DENND1B: variants seen among roughly 807,000 people sequenced by gnomAD.
DENND1B encodes DENN domain-containing protein 1B.
DENND1B carries 59 observed loss-of-function variants against 90.1 expected under a neutral mutation model. The observed-to-expected ratio is 0.65, with a 90% CI of 0.53 to 0.81. The LOEUF (loss-of-function observed/expected upper bound fraction) is 0.81, where lower values mean the gene tolerates loss of function less well. DENND1B is among the 40% of genes least tolerant of loss of function. The pLI is 0.00. For synonymous variants in DENND1B, 337 were observed against 324.6 expected, an observed-to-expected ratio of 1.04 and a Z score of -0.41; for missense variants, 862 against 912.6, an observed-to-expected ratio of 0.94 and a Z score of 0.71.
chr1:197,513,872 C>T (rs537369687), intron 20 of DENND1B, among the ~76,000 whole-genome samples: 17 of 151,678 alleles, frequency 1.1e-4, no homozygotes, highest in Admixed American at 6.6e-4. Flanking sequence ...CTATCCTGTC[C>T]TCACTTCCTA....
chr1:197,637,566 T>C (rs1679905703), intron 10 of DENND1B, among the ~76,000 whole-genome samples: 1 of 152,106 alleles, frequency 6.6e-6, no homozygotes, highest in Non-Finnish European at 1.5e-5. Context: ...ACACATCCCT[T>C]CCAATAAACT....
chr1:197,587,670 C>A (rs181827305), intron 14 of DENND1B, among the ~76,000 whole-genome samples: 3 of 152,170 alleles, frequency 2.0e-5, no homozygotes, highest in Admixed American at 6.5e-5. Context: ...TGGCACCAGA[C>A]GCGGGTTTTG....
At chr1:197,629,436 C>A (rs1421355462) in intron 10 of DENND1B, among the ~76,000 whole-genome samples, 2 of 148,966 alleles carry the variant, frequency 1.3e-5, no homozygotes, top group Non-Finnish European at 3.0e-5. Flanking sequence ...GACAGAAAAC[C>A]AAACACCGCA....
intron 13 of DENND1B, among the ~76,000 whole-genome samples, chr1:197,601,472 C>G (rs796578440): frequency 5.3e-5 from 8 of 150,912 alleles, no homozygotes; most frequent in Admixed American, 2.6e-4. Flanking sequence ...TTTAAAGGAC[C>G]AGAAATAAAT....
chr1:197,775,090 G>T, intron 1 of DENND1B, 49 bp downstream of exon 1: 1 of 1,206,752 alleles, frequency 8.3e-7, no homozygotes, highest in Non-Finnish European at 1.1e-6. Flanking sequence ...GCCTGGGAGG[G>T]GCCGCCGAGG....
At chr1:197,524,350 C>A (rs1018891151) in intron 20 of DENND1B, among the ~76,000 whole-genome samples, 1 of 152,074 alleles carries the variant, frequency 6.6e-6, no homozygotes, top group Non-Finnish European at 1.5e-5. Flanking sequence ...CTAATCTTCA[C>A]AATAACTCTA....
intron 15 of DENND1B, among the ~76,000 whole-genome samples, chr1:197,580,691 G>A (rs2125767401): frequency 6.6e-6 from 1 of 152,160 alleles, no homozygotes; most frequent in Non-Finnish European, 1.5e-5. Flanking sequence ...CCTCTACCCA[G>A]CACTAATGCT....
At chr1:197,700,563 C>T (rs990493908) in intron 3 of DENND1B, among the ~76,000 whole-genome samples, 4 of 152,016 alleles carry the variant, frequency 2.6e-5, no homozygotes, top group African/African-American at 9.7e-5. Context: ...GCAAAGACTT[C>T]ATGACAAAAA....
chr1:197,617,387 CTG>C lies in DENND1B; in HGVS notation c.773+270_773+271del, dbSNP rs529297734. ...ACAGTTTTCCTAACACAACTTAAGA[CTG>C]TTATTTTTTTCTATTTTGCATTGAG... On this transcript the variant is annotated intron_variant, in intron 11 of 22. Transcript: ENST00000620048. 1.9e-4 allele frequency among the ~76,000 whole-genome samples: 28 copies of C among 151,192 alleles called. No homozygotes were observed. The East Asian group carries it at 5.3e-3, about 28-fold the overall frequency.
At chr1:197,531,276 T>C (rs113658147) in intron 20 of DENND1B, among the ~76,000 whole-genome samples, 22 of 152,300 alleles carry the variant, frequency 1.4e-4, no homozygotes, top group African/African-American at 5.1e-4. Flanking sequence ...GTATAAAAAT[T>C]GAAGTTTGAA....
At chr1:197,770,799 AATATATATATAAAT>A (rs1656455923) in intron 2 of DENND1B, among the ~76,000 whole-genome samples, 11 of 137,340 alleles carry the variant, frequency 8.0e-5, no homozygotes, top group African/African-American at 2.8e-4. Context: ...TATATCTATA[AATATATATATAAAT>A]ATATATGTAA....
At chr1:197,600,114 C>G (rs1201342124) in intron 13 of DENND1B, among the ~76,000 whole-genome samples, 2 of 151,914 alleles carry the variant, frequency 1.3e-5, no homozygotes, top group East Asian at 3.9e-4. Context: ...GCCAATTCTG[C>G]AGAAAGATGT....
At chr1:197,598,558 A>G (rs997918662) in intron 13 of DENND1B, among the ~76,000 whole-genome samples, 4 of 151,810 alleles carry the variant, frequency 2.6e-5, no homozygotes, top group African/African-American at 7.2e-5. Context: ...TCTAGGAAAG[A>G]GCATTTTCTG....
intron 15 of DENND1B, among the ~76,000 whole-genome samples, chr1:197,556,802 A>T (rs1671755500): frequency 6.6e-6 from 1 of 151,990 alleles, no homozygotes; most frequent in Admixed American, 6.6e-5. Context: ...CACCCAATAA[A>T]TGCTAAATAA....
At chr1:197,544,899 AAGAAAG>A (rs1670633938) in intron 18 of DENND1B, among the ~76,000 whole-genome samples, 2 of 141,222 alleles carry the variant, frequency 1.4e-5, no homozygotes, top group South Asian at 4.6e-4. Flanking sequence ...GAAGAAGAAG[AAGAAAG>A]AAGAAGAAAA....
intron 3 of DENND1B, among the ~76,000 whole-genome samples, chr1:197,704,991 T>C (rs963891932): frequency 6.6e-6 from 1 of 152,190 alleles, no homozygotes; most frequent in African/African-American, 2.4e-5. Flanking sequence ...TACTATCTCC[T>C]ATTAGCCCTG....
At chr1:197,657,034 C>T (rs1192238156) in intron 6 of DENND1B, among the ~76,000 whole-genome samples, 1 of 151,926 alleles carries the variant, frequency 6.6e-6, no homozygotes, top group Non-Finnish European at 1.5e-5. Flanking sequence ...ACACCAAAAG[C>T]ACAGGCAACA....
chr1:197,778,567 A>G (rs1048126396), upstream of DENND1B, among the ~76,000 whole-genome samples: 4 of 152,000 alleles, frequency 2.6e-5, no homozygotes, highest in African/African-American at 9.7e-5. Flanking sequence ...GTCCCAGATA[A>G]TAAGGAGGCT....
chr1:197,592,562 C>G (rs1458977443), intron 14 of DENND1B, among the ~76,000 whole-genome samples: 3 of 152,110 alleles, frequency 2.0e-5, no homozygotes, highest in Non-Finnish European at 2.9e-5. Context: ...CATGAAGGAA[C>G]TAGACGGCTA....
Sources: allele counts gnomAD v4.1 joint callset (sites outside exome capture counted in the v4.1 genomes callset), GRCh38; gene constraint gnomAD v4.1.1; transcripts MANE v1.5; gene names NCBI Gene and HGNC (gene_info 2026-07-23, HGNC 2026-07-21).